Variants in AFAP1L1 observed in about 807,000 individuals in gnomAD.
The protein encoded by AFAP1L1 is actin filament-associated protein 1-like 1.
In AFAP1L1, 77 loss-of-function variants were observed where a neutral mutation model predicts 99.8. The observed-to-expected ratio is 0.77, with a 90% CI of 0.64 to 0.93. AFAP1L1 has a LOEUF of 0.93. AFAP1L1 is among the 40% of genes least tolerant of loss of function. The pLI, the probability that AFAP1L1 is intolerant of heterozygous loss-of-function variation, is 0.00. For missense variants in AFAP1L1, 893 were observed against 996.8 expected, an observed-to-expected ratio of 0.90 and a Z score of 1.40; for synonymous variants, 373 against 395.3, an observed-to-expected ratio of 0.94 and a Z score of 0.67.
chr5:149,316,992 C>G (rs1042004768), intron 11 of AFAP1L1, among the ~76,000 whole-genome samples: 5 of 152,022 alleles, frequency 3.3e-5, no homozygotes, highest in Non-Finnish European at 7.4e-5. Flanking sequence ...TGGTGAAACT[C>G]TGTCTCTACC....
At position 149,301,119 on chromosome 5, in the gene AFAP1L1, C is replaced by G; in HGVS notation, c.230-14C>G. 1.2e-6 allele frequency: 2 copies of G among 1,612,824 alleles called. No individual in the cohort carries two copies. The highest frequency in any genetic ancestry group is 1.1e-5 in the South Asian group (1 of 90,974). On this transcript the variant is annotated splice_polypyrimidine_tract_variant and intron_variant, in intron 3 of 18. Transcript: ENST00000296721. The stretch of plus-strand genomic sequence containing the variant: ...TCCTTGGCTTTCTTTGCCCAATGGC[C>G]TGTCCCTCTGTAGACTGTGACCTGA...
chr5:149,332,721 G>C lies in AFAP1L1; in HGVS notation c.2002G>C (p.Ala668Pro). The C allele has an allele frequency of 6.2e-7, 1 of 1,613,770 alleles. No individual in the cohort carries two copies. Among genetic ancestry groups the C allele is most frequent in the Non-Finnish European group, 8.5e-7 (1 of 1,179,964 alleles). The change falls in exon 17 of 19, where the codon GCC becomes CCC. Residue 668 changes from alanine (A) to proline (P), a missense_variant. Physicochemically the swap from Ala to Pro is conservative, Grantham distance 27 (BLOSUM62 -1). Transcript: ENST00000296721. ...PGAKLKALEEAVATLEAQCRA... is the reference protein window; with the variant it reads ...PGAKLKALEEPVATLEAQCRA... ...AGCAAAATTAAAGGCTCTGGAAGAA[G>C]CCGTGGCCACCCTGGAAGCTCAGTG...
At position 149,341,155 on chromosome 5, in the gene AFAP1L1, T is replaced by C. The variant is rs1382379988; in HGVS notation, c.*1125T>C. ...AATAAAGATAAAACCACTTAACTCT[T>C]AAGTGCCAGTGCTTAGCTCAAGAGG... On this transcript the variant is annotated 3_prime_UTR_variant, in exon 19 of 19. Coordinates refer to ENST00000296721, the MANE Select transcript of AFAP1L1 (RefSeq NM_152406.4). 6.6e-6 allele frequency: 1 copy of C among 152,198 alleles called. No individual in the cohort carries two copies. Among genetic ancestry groups the C allele is most frequent in the Non-Finnish European group, 1.5e-5 (1 of 68,046 alleles). The allele number at this position is 152,198 out of a possible 1,614,324, so 9.4% of individuals were successfully genotyped here. A position where few individuals can be genotyped will look rare whatever the true frequency, so the allele number is the denominator to read the frequency against.
intron 9 of AFAP1L1, among the ~76,000 whole-genome samples, chr5:149,314,484 TA>T (rs1756738992): frequency 6.6e-6 from 1 of 152,176 alleles, no homozygotes; most frequent in Non-Finnish European, 1.5e-5. Context: ...CTGTTCTCCA[TA>T]GAATCATGTG....
chr5:149,320,514 TCTCC>T lies in AFAP1L1; in HGVS notation c.1698+55_1698+58del. The T allele has an allele frequency of 6.6e-7, 1 of 1,505,688 alleles. No individual in the cohort carries two copies. The highest frequency in any genetic ancestry group is 9.2e-7 in the Non-Finnish European group (1 of 1,082,508). 93.3% of individuals were successfully genotyped at this position (1,505,688 alleles called of 1,614,324 possible). On this transcript the variant is annotated intron_variant, in intron 14 of 18. Transcript: ENST00000296721. This position sits in a 1 kb window ranked among gnomAD's most constrained non-coding sequence, Gnocchi z 4.0. ...AATGTGGCAAAGGCCACTTATTAGCTCTCCCTCTTTCTGCTCCCTTTACCTTCTG... is the reference window on the plus strand; with the variant it reads ...AATGTGGCAAAGGCCACTTATTAGCTCTCTTTCTGCTCCCTTTACCTTCTG...
At chr5:149,338,431 A>C (rs1757468128) in intron 18 of AFAP1L1, among the ~76,000 whole-genome samples, 1 of 152,158 alleles carries the variant, frequency 6.6e-6, no homozygotes, top group Non-Finnish European at 1.5e-5. Flanking sequence ...ACACCACTGC[A>C]CTCCAGCCTA....
chr5:149,319,197 G>A (rs886637467), intron 12 of AFAP1L1, among the ~76,000 whole-genome samples: 3 of 152,160 alleles, frequency 2.0e-5, no homozygotes, highest in African/African-American at 7.2e-5. Flanking sequence ...AAACTATTTT[G>A]ATTAAGTTAT....
intron 14 of AFAP1L1, among the ~76,000 whole-genome samples, chr5:149,321,143 A>G (rs1444864917): frequency 6.6e-6 from 1 of 152,216 alleles, no homozygotes; most frequent in Non-Finnish European, 1.5e-5. Flanking sequence ...TCTGTCTTGG[A>G]CAGTGCTGCA....
Position 149,315,854 on chromosome 5 carries a change from G to A in AFAP1L1, c.1054G>A (p.Asp352Asn). 6.2e-7 allele frequency: 1 copy of A among 1,614,148 alleles called. No individual in the cohort carries two copies. Among genetic ancestry groups the A allele is most frequent in the East Asian group, 2.2e-5 (1 of 44,852 alleles). The change falls in exon 10 of 19, where the codon GAC (aspartate) becomes AAC (asparagine). Residue 352 changes from aspartate (D) to asparagine (N), a missense_variant. Coordinates refer to ENST00000296721, the MANE Select transcript of AFAP1L1 (RefSeq NM_152406.4). ...CCAAGAGAAGCAGACCTCAGATTCT[G>A]ACAGCGTGGGTGTGGGTGACAACTG... ...LSQEKQTSDS[D>N]SVGVGDNCST...
intron 15 of AFAP1L1, among the ~76,000 whole-genome samples, chr5:149,326,906 G>A (rs1439469223): frequency 6.6e-6 from 1 of 152,128 alleles, no homozygotes; most frequent in Non-Finnish European, 1.5e-5. Context: ...ACTTCAAGAG[G>A]AAGTAGACTA....
chr5:149,306,268 C>A, intron 5 of AFAP1L1, 38 bp from the exon 6 acceptor site: 1 of 1,570,682 alleles, frequency 6.4e-7, no homozygotes, highest in Admixed American at 1.7e-5. Context: ...AGTCTGCCTG[C>A]ATTTCTCCAA....
intron 1 of AFAP1L1, among the ~76,000 whole-genome samples, chr5:149,293,059 A>T (rs964067954): frequency 6.6e-6 from 1 of 152,236 alleles, no homozygotes; most frequent in Admixed American, 6.5e-5. Context: ...TCACAGGATG[A>T]GGCTTGCAGA....
rs1755120282 is a variant in AFAP1L1, at chr5:149,271,917, C to T, written c.-52C>T. ...GCAGCGCGCCGGCCGCTACCAGCCG[C>T]GCCGGAGCCCCTGCGCCCTGCGGCC... is the stretch of plus-strand genomic sequence containing the variant. On this transcript the variant is annotated 5_prime_UTR_variant, in exon 1 of 19. Coordinates refer to ENST00000296721, the MANE Select transcript of AFAP1L1 (RefSeq NM_152406.4). The T allele has an allele frequency of 1.1e-5, 13 of 1,210,690 alleles. No homozygotes were observed. The highest frequency in any genetic ancestry group is 8.7e-5 in the Admixed American group (2 of 22,974). 75.0% of individuals were successfully genotyped at this position (1,210,690 alleles called of 1,614,324 possible).
chr5:149,295,370 A>C (rs543717530), intron 1 of AFAP1L1, among the ~76,000 whole-genome samples: 1 of 152,356 alleles, frequency 6.6e-6, no homozygotes, highest in South Asian at 2.1e-4. Flanking sequence ...TTAAATGCAG[A>C]GCGCTCATGC....
At chr5:149,277,314 A>G (rs1755366904) in intron 1 of AFAP1L1, among the ~76,000 whole-genome samples, 1 of 152,232 alleles carries the variant, frequency 6.6e-6, no homozygotes, top group East Asian at 1.9e-4. Flanking sequence ...TCTTTTCATG[A>G]AATGAGATTT....
intron 1 of AFAP1L1, among the ~76,000 whole-genome samples, chr5:149,291,520 G>C (rs548154168): frequency 1.6e-5 from 1 of 61,912 alleles, no homozygotes; most frequent in Admixed American, 3.1e-4. Flanking sequence ...GCGTGACTCC[G>C]TCTCAAAAAA....
chr5:149,312,165 C>T lies in AFAP1L1; in HGVS notation c.981C>T (p.Pro327=). 1.9e-6 allele frequency: 3 copies of T among 1,614,142 alleles called. No individual in the cohort carries two copies. The highest frequency in any genetic ancestry group is 2.5e-6 in the Non-Finnish European group (3 of 1,180,016). The part of the protein sequence containing the change: ...PVGGAEGVEV[P]RSPVLLCKLD... ...GGGGAGCTGAGGGAGTGGAGGTCCC[C>T]AGATCCCCAGTCCTCCTGTGCAAGT... is the stretch of plus-strand genomic sequence containing the variant. Residue 327 remains proline, a synonymous_variant, in exon 9 of 19, where the codon CCC becomes CCT. Transcript: ENST00000296721.
In AFAP1L1 at chr5:149,286,904, T is replaced by C. The variant is rs1755699562; in HGVS notation, c.17-12605T>C. Among the ~76,000 whole-genome samples the C allele has an allele frequency of 2.6e-5, 4 of 152,198 alleles. No homozygotes were observed. In the South Asian group the frequency reaches 8.3e-4, roughly 31 times the overall value. ...TGAGATTCTGGCTCCAATGCCTGTG[T>C]TTTCTCCAGAGCACCAAAACACAGC... is the stretch of plus-strand genomic sequence containing the variant. On this transcript the variant is annotated intron_variant, in intron 1 of 18. Coordinates refer to ENST00000296721, the MANE Select transcript of AFAP1L1 (RefSeq NM_152406.4).
At chr5:149,276,081 C>T (rs1167852944) in intron 1 of AFAP1L1, among the ~76,000 whole-genome samples, 1 of 152,232 alleles carries the variant, frequency 6.6e-6, no homozygotes, top group African/African-American at 2.4e-5. Flanking sequence ...CTTAAGCTTG[C>T]TGCTGACTGC....
Sources: gnomAD v4.1 joint callset for allele counts (sites outside exome capture counted in the v4.1 genomes callset) on GRCh38, gnomAD v4.1.1 for gene constraint, Gnocchi (gnomAD v3.1) non-coding constraint, MANE v1.5 for transcripts, NCBI Gene and HGNC (gene_info 2026-07-23, HGNC 2026-07-21) for gene names.